The following RAB1B variants were observed in gnomAD, a reference collection of about 807,000 sequenced individuals.
RAB1B encodes ras-related protein Rab-1B.
RAB1B carries 10 observed loss-of-function variants against 24.8 expected under a neutral mutation model. The ratio of observed to expected loss-of-function variants is 0.40; its 90% CI spans 0.25 to 0.68. RAB1B has a LOEUF of 0.68. Ranked by LOEUF, RAB1B falls within the 30% of genes least tolerant of loss-of-function variation. RAB1B has a pLI of 0.37. For synonymous variants in RAB1B, 99 were observed against 111.7 expected (o/e 0.89, Z 0.72); for missense variants, 154 against 271.2 (o/e 0.57, Z 3.04).
At chr11:66,274,200 C>T in intron 4 of RAB1B, among the ~76,000 whole-genome samples, 1 of 152,160 alleles carries the variant, frequency 6.6e-6, no homozygotes, top group East Asian at 1.9e-4. Context: ...TTCCCTCCCC[C>T]ATCCAGTCAG....
intron 1 of RAB1B, chr11:66,271,355 G>A: frequency 6.3e-6 from 1 of 157,578 alleles, no homozygotes; most frequent in Non-Finnish European, 1.4e-5. Flanking sequence ...AAGCATGGTG[G>A]CAGGTGCCTG....
At chr11:66,272,790 AGGCGGTT>A (rs1857082480) in intron 4 of RAB1B, among the ~76,000 whole-genome samples, 2 of 152,074 alleles carry the variant, frequency 1.3e-5, no homozygotes, top group Non-Finnish European at 2.9e-5. Flanking sequence ...GAGTTTAGTC[AGGCGGTT>A]GGCTGCTATG....
chr11:66,268,889 G>C (rs1455140855), intron 1 of RAB1B, among the ~76,000 whole-genome samples, 196 bp downstream of exon 1: 1 of 114,864 alleles, frequency 8.7e-6, no homozygotes, highest in African/African-American at 3.5e-5. Flanking sequence ...AAAACCCCGA[G>C]CCCTCGCACC....
At chr11:66,272,007 C>T in intron 2 of RAB1B, 138 bp downstream of exon 2, 1 of 941,614 alleles carries the variant, frequency 1.1e-6, no homozygotes, top group Non-Finnish European at 1.7e-6. Flanking sequence ...AGCACATCTG[C>T]CCTGAACAAG....
intron 1 of RAB1B, chr11:66,269,999 T>G (rs1857028310): frequency 6.6e-6 from 1 of 152,140 alleles, no homozygotes; most frequent in South Asian, 2.1e-4. Context: ...CTTGTCCTCC[T>G]GAGTAGCTGG....
chr11:66,274,226 A>G (rs941262771), intron 4 of RAB1B, among the ~76,000 whole-genome samples: 1 of 152,094 alleles, frequency 6.6e-6, no homozygotes, highest in Non-Finnish European at 1.5e-5. Flanking sequence ...AGTCCCCTCT[A>G]TTCTCTCCCC....
chr11:66,275,977 C>T (rs1432237559), intron 5 of RAB1B, 42 bp downstream of exon 5: 10 of 1,607,264 alleles, frequency 6.2e-6, no homozygotes, highest in Non-Finnish European at 5.1e-6. Flanking sequence ...GGCGCTGGGG[C>T]CTGCTGCCCC....
At chr11:66,269,115 C>A (rs746978232) in intron 1 of RAB1B, among the ~76,000 whole-genome samples, 1 of 152,030 alleles carries the variant, frequency 6.6e-6, no homozygotes, top group African/African-American at 2.4e-5. Context: ...GCAGTGAATC[C>A]CTCTACCCTT....
chr11:66,276,434 C>T lies in RAB1B; in HGVS notation c.*196C>T, dbSNP rs1857147413. 8.7e-6 allele frequency: 5 copies of T among 576,544 alleles called. No individual in the cohort carries two copies. Among genetic ancestry groups the T allele is most frequent in the African/African-American group, 3.9e-5 (2 of 51,726 alleles). 35.7% of individuals were successfully genotyped at this position (576,544 alleles called of 1,614,324 possible). A position where few individuals can be genotyped will look rare whatever the true frequency, so the allele number is the denominator to read the frequency against. ...TTCTGTCAGGGTCCCTAAGGGAGGA[C>T]ACTCAGGGCCTGTGGCCAGGCAGGG... is the stretch of plus-strand genomic sequence containing the variant. On this transcript the variant is annotated 3_prime_UTR_variant, in exon 6 of 6. Coordinates refer to ENST00000311481, the MANE Select transcript of RAB1B (RefSeq NM_030981.3).
chr11:66,275,423 C>T (rs551029387), intron 4 of RAB1B, among the ~76,000 whole-genome samples: 1 of 152,322 alleles, frequency 6.6e-6, no homozygotes, highest in Admixed American at 6.5e-5. Flanking sequence ...ACGGTGGGAA[C>T]TGTGGCTCTT....
chr11:66,268,828 C>CCG, intron 1 of RAB1B, 135 bp downstream of exon 1: 1 of 946,662 alleles, frequency 1.1e-6, no homozygotes. Context: ...GCTGACCCCC[C>CCG]CCCACATCCG....
At position 66,272,794 on chromosome 11, in the gene RAB1B, G is replaced by A. The variant is rs138841792; in HGVS notation, c.279+334G>A. Among the ~76,000 whole-genome samples, 595 of 152,148 alleles carry A rather than the reference G, an allele frequency of 3.9e-3. 6 individuals are homozygous for A. Among genetic ancestry groups the A allele is most frequent in the African/African-American group, 0.013 (559 of 41,518 alleles). ...TTGTGTTGTGGGAGTTTAGTCAGGCGGTTGGCTGCTATGCTGGGCCTGTGG... is the reference window on the plus strand; with the variant it reads ...TTGTGTTGTGGGAGTTTAGTCAGGCAGTTGGCTGCTATGCTGGGCCTGTGG... On this transcript the variant is annotated intron_variant, in intron 4 of 5. Transcript: ENST00000311481.
chr11:66,275,413 A>G (rs762444931), intron 4 of RAB1B, among the ~76,000 whole-genome samples: 5 of 152,224 alleles, frequency 3.3e-5, no homozygotes, highest in African/African-American at 4.8e-5. Context: ...TTTTCAGGCC[A>G]CGGTGGGAAC....
intron 4 of RAB1B, among the ~76,000 whole-genome samples, chr11:66,273,612 C>T (rs774450397): frequency 1.6e-4 from 24 of 152,346 alleles, no homozygotes; most frequent in South Asian, 2.1e-4. Flanking sequence ...TGCATGGCTG[C>T]GGCCACTCTG....
rs1857165773 is a variant in RAB1B at position 66,277,202 on chromosome 11, A to G, written c.*964A>G. The G allele has an allele frequency of 1.3e-5, 2 of 152,808 alleles. No homozygotes were observed. The highest frequency in any genetic ancestry group is 2.9e-5 in the Non-Finnish European group (2 of 68,138). 9.5% of individuals were successfully genotyped at this position (152,808 alleles called of 1,614,324 possible). On this transcript the variant is annotated 3_prime_UTR_variant, in exon 6 of 6. Transcript: ENST00000311481. ...TCACCCACTCTGCACCCAGGATCCT[A>G]GTCCCCTGCCCTCTGGCACAGCTGC... is the stretch of plus-strand genomic sequence containing the variant.
chr11:66,275,322 T>C (rs1026438194), intron 4 of RAB1B, among the ~76,000 whole-genome samples: 1 of 152,170 alleles, frequency 6.6e-6, no homozygotes, highest in Non-Finnish European at 1.5e-5. Flanking sequence ...GTTCCCAGGA[T>C]TCCTGTCTCC....
chr11:66,275,918 G>A lies in RAB1B; in HGVS notation c.394G>A (p.Asp132Asn). 1 of 1,611,558 alleles carries A rather than the reference G, an allele frequency of 6.2e-7. No homozygotes were observed. ...KSDLTTKKVVDNTTAKEFADS... is the reference protein window; with the variant it reads ...KSDLTTKKVVNNTTAKEFADS... ...CGACCTCACCACCAAGAAGGTGGTG[G>A]ACAACACCACAGCCAAGGTAGCAGA... Residue 132 changes from aspartate (D) to asparagine (N), a missense_variant, in exon 5 of 6, where the codon GAC becomes AAC. Around this residue, in one of 2 missense-constraint regions of RAB1B, gnomAD observed 77 missense variants for 97.8 expected, o/e 0.79. Transcript: ENST00000311481.
At chr11:66,273,880 C>G (rs1352473241) in intron 4 of RAB1B, among the ~76,000 whole-genome samples, 1 of 152,170 alleles carries the variant, frequency 6.6e-6, no homozygotes, top group Non-Finnish European at 1.5e-5. Flanking sequence ...TTGAGCACAC[C>G]CTTTCCCACC....
chr11:66,268,808 T>A, intron 1 of RAB1B, 115 bp downstream of exon 1: 2 of 957,212 alleles, frequency 2.1e-6, no homozygotes, highest in Non-Finnish European at 1.4e-6. Flanking sequence ...CACATCCGGG[T>A]CCCTCTTCCG....
Sources: allele counts gnomAD v4.1 joint callset (sites outside exome capture counted in the v4.1 genomes callset), GRCh38; gene constraint gnomAD v4.1.1; regional missense constraint gnomAD v4.1.1; transcripts MANE v1.5; gene names NCBI Gene and HGNC (gene_info 2026-07-23, HGNC 2026-07-21).